Variants in LRRTM4 observed in about 807,000 individuals in gnomAD.
LRRTM4 encodes the protein leucine-rich repeat transmembrane neuronal protein 4.
Under a neutral mutation model 47.6 loss-of-function variants are expected in LRRTM4, and 25 were observed. The ratio of observed to expected loss-of-function variants is 0.53; its 90% CI spans 0.38 to 0.73. The LOEUF is 0.73. LRRTM4 is among the 30% of genes least tolerant of loss of function. The pLI, the probability that LRRTM4 is intolerant of heterozygous loss-of-function variation, is 0.00. For synonymous variants in LRRTM4, 311 were observed against 269.5 expected, an observed-to-expected ratio of 1.15 and a Z score of -1.51; for missense variants, 638 against 713.4, an observed-to-expected ratio of 0.89 and a Z score of 1.20.
intron 3 of LRRTM4, among the ~76,000 whole-genome samples, chr2:76,900,647 A>G (rs1259129627): frequency 6.6e-6 from 1 of 152,166 alleles, no homozygotes; most frequent in Non-Finnish European, 1.5e-5. Flanking sequence ...ATTTATGTGA[A>G]AGTATGTCCA....
chr2:77,474,495 G>A (rs1037542258), intron 3 of LRRTM4, among the ~76,000 whole-genome samples: 3 of 152,058 alleles, frequency 2.0e-5, no homozygotes, highest in Non-Finnish European at 4.4e-5. Context: ...TTACAGCAAT[G>A]TCAAGAGTAA....
chr2:77,207,288 G>GTA (rs1233969025), intron 3 of LRRTM4, among the ~76,000 whole-genome samples: 36 of 141,820 alleles, frequency 2.5e-4, no homozygotes, highest in Admixed American at 3.5e-4. Context: ...ATATGTGTGT[G>GTA]TATATATATA....
intron 3 of LRRTM4, among the ~76,000 whole-genome samples, chr2:76,863,008 C>T (rs1387546428): frequency 6.6e-6 from 1 of 152,164 alleles, no homozygotes; most frequent in Non-Finnish European, 1.5e-5. Flanking sequence ...AATTTAAAAG[C>T]ATATGTCACC....
intron 3 of LRRTM4, among the ~76,000 whole-genome samples, chr2:76,789,878 C>G (rs778186845): frequency 6.6e-6 from 1 of 152,062 alleles, no homozygotes; most frequent in Non-Finnish European, 1.5e-5. Flanking sequence ...ATTATCAGCA[C>G]TCTTCTTTTT....
At chr2:76,783,625 T>C (rs1455672617) in intron 3 of LRRTM4, among the ~76,000 whole-genome samples, 1 of 152,104 alleles carries the variant, frequency 6.6e-6, no homozygotes, top group Non-Finnish European at 1.5e-5. Flanking sequence ...TCTCTGAAAC[T>C]AAACAAGGAA....
chr2:77,122,595 C>G (rs113125868), intron 3 of LRRTM4, among the ~76,000 whole-genome samples: 1,880 of 151,408 alleles, frequency 0.012, 48 homozygotes, highest in African/African-American at 0.043. Flanking sequence ...TGGACATGCA[C>G]ACACCATTTC....
chr2:77,186,547 G>A (rs1369448571), intron 3 of LRRTM4, among the ~76,000 whole-genome samples: 4 of 152,012 alleles, frequency 2.6e-5, no homozygotes, highest in East Asian at 1.9e-4. Flanking sequence ...CACATAGAAA[G>A]CACTGTATTT....
chr2:76,890,827 C>T (rs1673227782), intron 3 of LRRTM4, among the ~76,000 whole-genome samples: 1 of 151,800 alleles, frequency 6.6e-6, no homozygotes, highest in Non-Finnish European at 1.5e-5. Flanking sequence ...CCAGCAAAGC[C>T]AATGGCGACT....
chr2:77,289,188 T>A (rs770739852), intron 3 of LRRTM4, among the ~76,000 whole-genome samples: 1 of 151,806 alleles, frequency 6.6e-6, no homozygotes, highest in Non-Finnish European at 1.5e-5. Flanking sequence ...GCATTATGCA[T>A]ATTTTTATAG....
chr2:77,264,122 A>AT (rs1211631934), intron 3 of LRRTM4, among the ~76,000 whole-genome samples: 1 of 152,098 alleles, frequency 6.6e-6, no homozygotes, highest in Admixed American at 6.6e-5. Flanking sequence ...TCACGCATCC[A>AT]TAAAAAATAC....
intron 3 of LRRTM4, among the ~76,000 whole-genome samples, chr2:76,959,712 G>A (rs1675789520): frequency 6.6e-6 from 1 of 151,652 alleles, no homozygotes; most frequent in Non-Finnish European, 1.5e-5. Context: ...AAAGAAGTGT[G>A]TGATGCAGCT....
rs906514644 is a variant in LRRTM4 at position 77,068,212 on chromosome 2, A to T, written c.1552-319296T>A. Among the ~76,000 whole-genome samples, 38 of 152,308 alleles carry T rather than the reference A, an allele frequency of 2.5e-4. No individual in the cohort carries two copies. The East Asian group carries it at 4.6e-3, about 19-fold the overall frequency. ...AATACTACTTTCCGCTTCCTAAAAA[A>T]ATCTGCCTATTGAAAAGGGAGAACA... is the stretch of plus-strand genomic sequence containing the variant. On this transcript the variant is annotated intron_variant, in intron 3 of 3. Coordinates refer to ENST00000409884, the MANE Select transcript of LRRTM4 (RefSeq NM_001134745.3).
chr2:77,281,847 C>T (rs1676514684), intron 3 of LRRTM4, among the ~76,000 whole-genome samples: 1 of 151,698 alleles, frequency 6.6e-6, no homozygotes, highest in African/African-American at 2.4e-5. Flanking sequence ...ACCATGTAGA[C>T]TATGTTAGTT....
At chr2:76,749,116 T>G (rs1389898075) in intron 3 of LRRTM4, among the ~76,000 whole-genome samples, 200 bp from the exon 4 acceptor site, 2 of 152,228 alleles carry the variant, frequency 1.3e-5, no homozygotes, top group African/African-American at 4.8e-5. Context: ...GTGTATAGAC[T>G]TTGTACATAA....
At chr2:77,480,416 G>A (rs1439249957) in intron 3 of LRRTM4, among the ~76,000 whole-genome samples, 1 of 152,040 alleles carries the variant, frequency 6.6e-6, no homozygotes, top group Non-Finnish European at 1.5e-5. Context: ...TTATTTATCC[G>A]ATTTTAATGT....
Position 77,458,036 on chromosome 2 carries a change from A to G in LRRTM4, c.1551+60282T>C, listed in dbSNP as rs182948176. Among the ~76,000 whole-genome samples the G allele has an allele frequency of 1.4e-4, 21 of 152,268 alleles. No individual in the cohort carries two copies. The East Asian group carries it at 3.7e-3, about 27-fold the overall frequency. ...ATTATCCAGGTGAGAGAAATGCCAAATCGTTCATAAGGAGCATTGGTTTGA... is the reference window on the plus strand; with the variant it reads ...ATTATCCAGGTGAGAGAAATGCCAAGTCGTTCATAAGGAGCATTGGTTTGA... On this transcript the variant is annotated intron_variant, in intron 3 of 3. Coordinates refer to ENST00000409884, the MANE Select transcript of LRRTM4 (RefSeq NM_001134745.3).
At chr2:76,968,340 GTATATATA>G (rs61103340) in intron 3 of LRRTM4, among the ~76,000 whole-genome samples, 2,963 of 76,594 alleles carry the variant, frequency 0.039, 71 homozygotes, top group South Asian at 0.057. Context: ...GTGTATGTGT[GTATATATA>G]TATATATATA....
intron 3 of LRRTM4, among the ~76,000 whole-genome samples, chr2:77,277,593 C>T (rs555338528): frequency 6.6e-6 from 1 of 152,032 alleles, no homozygotes; most frequent in Non-Finnish European, 1.5e-5. Context: ...ATTATTTGAA[C>T]CTAAGCCACT....
At chr2:76,779,375 A>C (rs1203050185) in intron 3 of LRRTM4, among the ~76,000 whole-genome samples, 1 of 150,952 alleles carries the variant, frequency 6.6e-6, no homozygotes, top group Non-Finnish European at 1.5e-5. Context: ...AAAGTCTCCC[A>C]TTATTAATGT....
Sources: gnomAD v4.1 joint callset for allele counts (sites outside exome capture counted in the v4.1 genomes callset) on GRCh38, gnomAD v4.1.1 for gene constraint, MANE v1.5 for transcripts, NCBI Gene and HGNC (gene_info 2026-07-23, HGNC 2026-07-21) for gene names.